Variants in CRTAC1 observed in about 807,000 individuals in gnomAD.
The protein encoded by CRTAC1 is cartilage acidic protein 1.
A neutral mutation model predicts 67.8 loss-of-function variants in CRTAC1; 37 were observed. The ratio of observed to expected loss-of-function variants is 0.55; its 90% CI spans 0.42 to 0.72. The LOEUF (loss-of-function observed/expected upper bound fraction) is 0.72. CRTAC1 is among the 30% of genes least tolerant of loss of function. The pLI, the probability that CRTAC1 is intolerant of heterozygous loss-of-function variation, is 0.00. For synonymous variants in CRTAC1, 348 were observed against 371.0 expected, an observed-to-expected ratio of 0.94 and a Z score of 0.71; for missense variants, 780 against 931.6, an observed-to-expected ratio of 0.84 and a Z score of 2.12.
At position 97,895,492 on chromosome 10, in the gene CRTAC1, G is replaced by GA. The variant is rs2050444926; in HGVS notation, c.1318-80dup. On this transcript the variant is annotated intron_variant, in intron 10 of 14. Coordinates refer to ENST00000370597, the MANE Select transcript of CRTAC1 (RefSeq NM_018058.7). The surrounding 1 kb of genome is among the most constrained non-coding windows in gnomAD (Gnocchi z 4.2). ...AAGAGCAGGGAGCCAGGGAGGACGG[G>GA]AGGGGGAGAGGGAGAAGAAGGAGGA... 1 of 1,268,698 alleles carries GA rather than the reference G, an allele frequency of 7.9e-7. No homozygotes were observed. The highest frequency in any genetic ancestry group is 1.5e-5 in the African/African-American group (1 of 66,808). The allele number at this position is 1,268,698 out of a possible 1,614,324, so 78.6% of individuals were successfully genotyped here.
intron 14 of CRTAC1, among the ~76,000 whole-genome samples, chr10:97,879,105 G>C (rs2050179406): frequency 6.6e-6 from 1 of 152,160 alleles, no homozygotes; most frequent in South Asian, 2.1e-4. Context: ...CTAATATCTA[G>C]TAGAGAGTTT....
chr10:97,947,177 G>A (rs1292165211), intron 2 of CRTAC1, among the ~76,000 whole-genome samples: 1 of 152,132 alleles, frequency 6.6e-6, no homozygotes, highest in African/African-American at 2.4e-5. Context: ...GATAAGTCAG[G>A]CATTGACTTC....
At chr10:97,917,394 G>T in intron 5 of CRTAC1, 106 bp downstream of exon 5, 5 of 959,540 alleles carry the variant, frequency 5.2e-6, no homozygotes, top group African/African-American at 1.7e-5. Context: ...GGGACATAAG[G>T]CCACCCTTTC....
At chr10:97,889,639 A>T (rs1465542165) in intron 11 of CRTAC1, among the ~76,000 whole-genome samples, 1 of 152,116 alleles carries the variant, frequency 6.6e-6, no homozygotes, top group Non-Finnish European at 1.5e-5. Context: ...GCGGGAGCAG[A>T]CACGATGTAC....
At chr10:97,902,957 T>C (rs1348788580) in intron 7 of CRTAC1, among the ~76,000 whole-genome samples, 2 of 151,960 alleles carry the variant, frequency 1.3e-5, no homozygotes, top group Non-Finnish European at 2.9e-5. Flanking sequence ...TCTCTAGCCG[T>C]TATGATTCTA....
intron 5 of CRTAC1, 48 bp from the exon 6 acceptor site, chr10:97,908,195 C>T (rs1424919191): frequency 6.2e-7 from 1 of 1,607,510 alleles, no homozygotes; most frequent in Non-Finnish European, 8.5e-7. Context: ...AAGCCCCAGG[C>T]CCACCTGGAG....
chr10:97,958,119 G>A (rs902654020), intron 2 of CRTAC1, among the ~76,000 whole-genome samples: 3 of 152,156 alleles, frequency 2.0e-5, no homozygotes, highest in African/African-American at 7.2e-5. Flanking sequence ...GTTAATAGGA[G>A]TTTGGTACAA....
chr10:97,944,387 G>A lies in CRTAC1; in HGVS notation c.225-8021C>T, dbSNP rs568247174. The stretch of plus-strand genomic sequence containing the variant: ...GCAGATGTTGCAGTAAGCCAAGATC[G>A]CCCCATTGCTGTCAAGCCTGGGCAA... On this transcript the variant is annotated intron_variant, in intron 2 of 14. Transcript: ENST00000370597. Among the ~76,000 whole-genome samples the A allele has an allele frequency of 3.4e-4, 51 of 151,610 alleles. 1 individual carries two copies. In the South Asian group the frequency reaches 8.5e-3, roughly 25 times the overall value.
chr10:97,981,103 C>G (rs1455470592), intron 2 of CRTAC1, among the ~76,000 whole-genome samples: 2 of 152,120 alleles, frequency 1.3e-5, no homozygotes, highest in African/African-American at 4.8e-5. Flanking sequence ...TGAAGAGAAA[C>G]ACATAATTGT....
chr10:97,983,534 C>T (rs2051931963), intron 2 of CRTAC1, among the ~76,000 whole-genome samples: 1 of 147,988 alleles, frequency 6.8e-6, no homozygotes, highest in African/African-American at 2.7e-5. Flanking sequence ...CTTTTGATCA[C>T]AAAGAGATAG....
At chr10:97,885,851 A>G (rs1446695049) in intron 11 of CRTAC1, among the ~76,000 whole-genome samples, 9 of 152,250 alleles carry the variant, frequency 5.9e-5, no homozygotes, top group Non-Finnish European at 1.3e-4. Context: ...CAGGCTAAAT[A>G]ATATATCACC....
At chr10:97,989,795 C>A (rs891653507) in intron 2 of CRTAC1, among the ~76,000 whole-genome samples, 1 of 152,170 alleles carries the variant, frequency 6.6e-6, no homozygotes, top group African/African-American at 2.4e-5. Context: ...GTTCTAAGGT[C>A]CCACAGCTAG....
chr10:97,954,265 A>C (rs1398801509), intron 2 of CRTAC1, among the ~76,000 whole-genome samples: 3 of 152,202 alleles, frequency 2.0e-5, no homozygotes, highest in Non-Finnish European at 2.9e-5. Context: ...TTATCTTGAG[A>C]GGACCCCCCA....
At chr10:97,989,123 C>T (rs1342377925) in intron 2 of CRTAC1, among the ~76,000 whole-genome samples, 1 of 152,190 alleles carries the variant, frequency 6.6e-6, no homozygotes, top group African/African-American at 2.4e-5. Context: ...TCATTGGCTC[C>T]CCTGGTTCTC....
chr10:97,865,503 A>G lies in CRTAC1; in HGVS notation c.*45T>C. 1 of 1,561,928 alleles carries G rather than the reference A, an allele frequency of 6.4e-7. No homozygotes were observed. The highest frequency in any genetic ancestry group is 8.7e-7 in the Non-Finnish European group (1 of 1,148,330). ...GGCAGCAGCACAAGCCCACTTTCCC[A>G]CTCCCCTGCTGGACTCCATCCGCTG... On this transcript the variant is annotated 3_prime_UTR_variant, in exon 15 of 15. Transcript: ENST00000370597.
intron 1 of CRTAC1, among the ~76,000 whole-genome samples, chr10:98,025,793 A>G (rs1321015537): frequency 2.0e-5 from 3 of 152,226 alleles, no homozygotes; most frequent in Non-Finnish European, 4.4e-5. Flanking sequence ...CTAGGCTCCA[A>G]GGAAGGCTTC....
intron 2 of CRTAC1, among the ~76,000 whole-genome samples, chr10:97,993,459 C>T (rs1842497803): frequency 6.6e-6 from 1 of 152,140 alleles, no homozygotes; most frequent in African/African-American, 2.4e-5. Context: ...ACATTCTGCT[C>T]TGTTATTTCC....
rs183346718 is a variant in CRTAC1 at position 97,917,615 on chromosome 10, G to A, written c.600C>T (p.Tyr200=). The change falls in exon 5 of 15, where the codon TAC becomes TAT. Residue 200 remains tyrosine (Y), a synonymous_variant. Transcript: ENST00000370597. ...TGAGGGCATCAGGGCCCACATTACC[G>A]TAGGCGTAATTGGCAATGTAGATAG... ...RYSIYIANYA[Y]GNVGPDALIE... The A allele has an allele frequency of 2.1e-4, 331 of 1,597,974 alleles. 1 individual carries two copies. The Admixed American group carries it at 4.8e-3, about 23-fold the overall frequency.
chr10:97,900,914 T>C lies in CRTAC1; in HGVS notation c.1133+589A>G, dbSNP rs2050528718. Among the ~76,000 whole-genome samples, 2 of 135,964 alleles carry C rather than the reference T, an allele frequency of 1.5e-5. 1 individual carries two copies. The highest frequency in any genetic ancestry group is 3.1e-5 in the Non-Finnish European group (2 of 64,004). 89.2% of individuals were successfully genotyped at this position (135,964 alleles called of 152,430 possible). On this transcript the variant is annotated intron_variant, in intron 8 of 14. Coordinates refer to ENST00000370597, the MANE Select transcript of CRTAC1 (RefSeq NM_018058.7). ...AGCCCGTAGCCCCTTTCTGTGGTAG[T>C]GATTGGACCCTGTAGCCCCTTTTCC...
Sources: gnomAD v4.1 joint callset for allele counts (sites outside exome capture counted in the v4.1 genomes callset) on GRCh38, gnomAD v4.1.1 for gene constraint, Gnocchi (gnomAD v3.1) non-coding constraint, MANE v1.5 for transcripts, NCBI Gene and HGNC (gene_info 2026-07-23, HGNC 2026-07-21) for gene names.